The following ST14 variants were observed in gnomAD, a reference collection of about 807,000 sequenced individuals.
The protein encoded by ST14 is ST14 transmembrane serine protease matriptase, also known as suppressor of tumorigenicity 14 protein.
A neutral mutation model predicts 96.5 loss-of-function variants in ST14; 40 were observed. The ratio of observed to expected loss-of-function variants is 0.41; its 90% CI spans 0.32 to 0.54. ST14 has a LOEUF of 0.54. Ranked by LOEUF, ST14 falls within the 20% of genes least tolerant of loss-of-function variation. ST14 has a pLI of 0.17. For synonymous variants in ST14, 506 were observed against 492.1 expected, an observed-to-expected ratio of 1.03 and a Z score of -0.37; for missense variants, 1,066 against 1,188.9, an observed-to-expected ratio of 0.90 and a Z score of 1.52.
At chr11:130,202,635 G>A (rs1176614985) in intron 16 of ST14, among the ~76,000 whole-genome samples, 2 of 152,196 alleles carry the variant, frequency 1.3e-5, no homozygotes, top group African/African-American at 4.8e-5. Flanking sequence ...ATGTGCAGGG[G>A]CATGGTGTCA....
At chr11:130,189,611 G>A in intron 4 of ST14, 128 bp from the exon 5 acceptor site, 1 of 1,224,836 alleles carries the variant, frequency 8.2e-7, no homozygotes, top group Non-Finnish European at 1.2e-6. Context: ...AGAGGAGCTG[G>A]GGAAGGGCCT....
rs745356545 is a variant in ST14 at position 130,208,597 on chromosome 11, C to A, written c.2182C>A (p.Arg728=). Residue 728 remains arginine (R), a synonymous_variant, in exon 17 of 19, where the codon CGG becomes AGG. Transcript: ENST00000278742. ...EKPAEYSSMV[R]PICLPDASHV... ...ACCGGCAGAGTACAGCTCCATGGTG[C>A]GGCCCATCTGCCTGCCGGACGCCTC... The A allele has an allele frequency of 6.2e-7, 1 of 1,614,124 alleles. No individual in the cohort carries two copies. Among genetic ancestry groups the A allele is most frequent in the Non-Finnish European group, 8.5e-7 (1 of 1,180,002 alleles).
chr11:130,210,158 A>T lies in ST14; in HGVS notation c.*335A>T. ...CCCCTGTCTCTAAGGAGCAGCGGGA[A>T]CGGAGCTTCGGGGCCTCCTCAGTGA... On this transcript the variant is annotated 3_prime_UTR_variant, in exon 19 of 19. Coordinates refer to ENST00000278742, the MANE Select transcript of ST14 (RefSeq NM_021978.4). 3.8e-6 allele frequency: 1 copy of T among 262,068 alleles called. No homozygotes were observed. Among genetic ancestry groups the T allele is most frequent in the South Asian group, 5.9e-5 (1 of 17,084 alleles). 16.2% of individuals were successfully genotyped at this position (262,068 alleles called of 1,614,324 possible).
At chr11:130,170,111 C>T (rs935023047) in intron 1 of ST14, among the ~76,000 whole-genome samples, 6 of 151,912 alleles carry the variant, frequency 3.9e-5, no homozygotes, top group Admixed American at 2.0e-4. Flanking sequence ...GTTTTGGGGG[C>T]GACACACTGA....
intron 8 of ST14, 42 bp downstream of exon 8, chr11:130,194,330 A>G (rs1228023127): frequency 6.2e-7 from 1 of 1,612,616 alleles, no homozygotes; most frequent in African/African-American, 1.3e-5. Context: ...CTCGGGCCAC[A>G]GAGAAGGGGA....
In ST14 at chr11:130,190,107, C is replaced by A. The variant is rs770890770; in HGVS notation, c.599-6C>A. Reference sequence around the variant, plus strand: ...GAAATGCTTTATTCTCCTTCTTATTCTTCAGCCACGGACTCCAAAACAGTA... The same window carrying A: ...GAAATGCTTTATTCTCCTTCTTATTATTCAGCCACGGACTCCAAAACAGTA... On this transcript the variant is annotated splice_region_variant and splice_polypyrimidine_tract_variant and intron_variant, in intron 5 of 18. Coordinates refer to ENST00000278742, the MANE Select transcript of ST14 (RefSeq NM_021978.4). The A allele has an allele frequency of 6.2e-7, 1 of 1,614,180 alleles. No homozygotes were observed. The highest frequency in any genetic ancestry group is 1.1e-5 in the South Asian group (1 of 91,082).
intron 1 of ST14, among the ~76,000 whole-genome samples, chr11:130,182,174 G>A (rs1953198450): frequency 6.6e-6 from 1 of 152,196 alleles, no homozygotes; most frequent in Non-Finnish European, 1.5e-5. Flanking sequence ...ACGGGTGATA[G>A]CACCAGCCAG....
chr11:130,209,489 C>A lies in ST14; in HGVS notation c.2317C>A (p.Gln773Lys). The A allele has an allele frequency of 6.3e-7, 1 of 1,587,548 alleles. No homozygotes were observed. Among genetic ancestry groups the A allele is most frequent in the Non-Finnish European group, 8.6e-7 (1 of 1,167,188 alleles). Residue 773 changes from glutamine (Q) to lysine (K), a missense_variant, in exon 18 of 19, where the codon CAG becomes AAG. Physicochemically the swap from Gln to Lys is moderately conservative, Grantham distance 53 (BLOSUM62 1). Coordinates refer to ENST00000278742, the MANE Select transcript of ST14 (RefSeq NM_021978.4). ...LQKGEIRVINQTTCENLLPQQ... is the reference protein window; with the variant it reads ...LQKGEIRVINKTTCENLLPQQ... ...AAAGGGTGAGATCCGCGTCATCAAC[C>A]AGACCACCTGCGAGAACCTCCTGCC...
In ST14 at chr11:130,188,142, A is replaced by T; in HGVS notation, c.110A>T (p.Glu37Val). 3 of 1,614,150 alleles carry T rather than the reference A, an allele frequency of 1.9e-6. No individual in the cohort carries two copies. The highest frequency in any genetic ancestry group is 3.3e-4 in the Middle Eastern group (2 of 6,062). Residue 37 changes from glutamate to valine, a missense_variant, in exon 2 of 19, where the codon GAG (glutamate) becomes GTG (valine). Coordinates refer to ENST00000278742, the MANE Select transcript of ST14 (RefSeq NM_021978.4). The surrounding 1 kb of genome is among the most constrained non-coding windows in gnomAD (Gnocchi z 5.4). ...EKVNGLEEGV[E>V]FLPVNNVKKV... ...GTGAATGGCTTGGAGGAAGGCGTGG[A>T]GTTCCTGCCAGTCAACAACGTCAAG...
intron 7 of ST14, among the ~76,000 whole-genome samples, chr11:130,192,140 C>G (rs933992953): frequency 2.6e-5 from 4 of 152,226 alleles, no homozygotes; most frequent in African/African-American, 9.6e-5. Context: ...CTCGCTGGGC[C>G]AGAGCCTTCC....
intron 7 of ST14, among the ~76,000 whole-genome samples, chr11:130,191,280 G>A (rs369347408): frequency 7.9e-5 from 12 of 152,014 alleles, no homozygotes; most frequent in Admixed American, 1.3e-4. Context: ...TGCAGTGAGC[G>A]GTGATTGCAC....
rs1159799968 is a variant in ST14, at chr11:130,187,731, G to A, written c.82-383G>A. On this transcript the variant is annotated intron_variant, in intron 1 of 18. Coordinates refer to ENST00000278742, the MANE Select transcript of ST14 (RefSeq NM_021978.4). This position sits in a 1 kb window ranked among gnomAD's most constrained non-coding sequence, Gnocchi z 4.5. The stretch of plus-strand genomic sequence containing the variant: ...GTTGCCAGTCATGGGCCTGGGCTGG[G>A]GCCACTCTCCGGGGCACCCACCTAC... Among the ~76,000 whole-genome samples the A allele has an allele frequency of 6.6e-6, 1 of 152,144 alleles. No homozygotes were observed. The highest frequency in any genetic ancestry group is 1.5e-5 in the Non-Finnish European group (1 of 68,022).
intron 1 of ST14, among the ~76,000 whole-genome samples, chr11:130,178,390 T>G (rs1261423384): frequency 1.1e-5 from 1 of 90,636 alleles, no homozygotes; most frequent in East Asian, 4.8e-4. Context: ...GTCCTGCTCT[T>G]TTTAAGATGA....
rs767590650 is a variant in ST14 at position 130,208,623 on chromosome 11, C to G, written c.2208C>G (p.Ser736=). ...MVRPICLPDA[S]HVFPAGKAIW... The stretch of plus-strand genomic sequence containing the variant: ...GGCCCATCTGCCTGCCGGACGCCTC[C>G]CATGTCTTCCCTGCCGGCAAGGCCA... Residue 736 remains serine (S), a synonymous_variant, in exon 17 of 19, where the codon TCC becomes TCG. Coordinates refer to ENST00000278742, the MANE Select transcript of ST14 (RefSeq NM_021978.4). 1.7e-5 allele frequency: 28 copies of G among 1,614,046 alleles called. No individual in the cohort carries two copies. The highest frequency in any genetic ancestry group is 2.4e-5 in the Non-Finnish European group (28 of 1,179,990).
Position 130,189,488 on chromosome 11 carries a change from C to T in ST14, c.441-251C>T, listed in dbSNP as rs1274199865. ...GCCAAACTCCAATGGGTTTCCCCTCCTCATTCCTACCCCTGAGCAGCCCCC... is the reference window on the plus strand; with the variant it reads ...GCCAAACTCCAATGGGTTTCCCCTCTTCATTCCTACCCCTGAGCAGCCCCC... On this transcript the variant is annotated intron_variant, in intron 4 of 18. Coordinates refer to ENST00000278742, the MANE Select transcript of ST14 (RefSeq NM_021978.4). 5.3e-6 allele frequency: 3 copies of T among 570,068 alleles called. No individual in the cohort carries two copies. In the African/African-American group the frequency reaches 5.6e-5, roughly 11 times the overall value. 35.3% of individuals were successfully genotyped at this position (570,068 alleles called of 1,614,324 possible). A position where few individuals can be genotyped will look rare whatever the true frequency, so the allele number is the denominator to read the frequency against.
intron 7 of ST14, among the ~76,000 whole-genome samples, chr11:130,192,350 C>T (rs934256708): frequency 6.6e-6 from 1 of 152,198 alleles, no homozygotes; most frequent in Admixed American, 6.5e-5. Flanking sequence ...AAAAGGAAGA[C>T]TAAAGTCACT....
In ST14 at chr11:130,196,365, G is replaced by A. The variant is rs1035332688; in HGVS notation, c.1140G>A (p.Val380=). ...TGCCCAACAACCAGCATGTGAAGGTGCGCTTCAAATTCTTCTACCTGCTGG... is the reference window on the plus strand; with the variant it reads ...TGCCCAACAACCAGCATGTGAAGGTACGCTTCAAATTCTTCTACCTGCTGG... ...IEVPNNQHVK[V]RFKFFYLLEP... Residue 380 remains valine, a synonymous_variant, in exon 10 of 19, where the codon GTG becomes GTA. Transcript: ENST00000278742. 4 of 1,602,982 alleles carry A rather than the reference G, an allele frequency of 2.5e-6. No individual in the cohort carries two copies. The highest frequency in any genetic ancestry group is 2.7e-5 in the African/African-American group (2 of 74,854).
chr11:130,179,606 C>T (rs562941573), intron 1 of ST14, among the ~76,000 whole-genome samples: 1 of 152,194 alleles, frequency 6.6e-6, no homozygotes, highest in Admixed American at 6.5e-5. Context: ...TGGAGCTTCC[C>T]CGGGGCTGCT....
intron 14 of ST14, 119 bp downstream of exon 14, chr11:130,198,740 G>C (rs1013252157): frequency 8.3e-6 from 11 of 1,332,180 alleles, no homozygotes; most frequent in Non-Finnish European, 1.2e-5. Context: ...TGTGTGTTAA[G>C]TGTGATGAGA....
Sources: allele counts gnomAD v4.1 joint callset (sites outside exome capture counted in the v4.1 genomes callset), GRCh38; gene constraint gnomAD v4.1.1; non-coding constraint Gnocchi (gnomAD v3.1); transcripts MANE v1.5; gene names NCBI Gene and HGNC (gene_info 2026-07-23, HGNC 2026-07-21).